The following SNX29 variants were observed in gnomAD, a reference collection of about 807,000 sequenced individuals.
The protein encoded by SNX29 is sorting nexin 29.
SNX29 carries 78 observed loss-of-function variants against 102.1 expected under a neutral mutation model. That is an observed-to-expected ratio of 0.76 (90% CI 0.64 to 0.92). The LOEUF is 0.92. Among genes scored for constraint, SNX29 ranks in the 40% least tolerant of loss-of-function variants. The probability of loss-of-function intolerance (pLI) is 0.00; values close to 1 mark genes in which losing one functional copy is unlikely to be tolerated. For synonymous variants in SNX29, 580 were observed against 414.5 expected, an observed-to-expected ratio of 1.40 and a Z score of -4.85; for missense variants, 1,280 against 1,061.7, an observed-to-expected ratio of 1.21 and a Z score of -2.86.
chr16:12,139,197 A>T (rs1369645843), intron 13 of SNX29, among the ~76,000 whole-genome samples: 9 of 21,348 alleles, frequency 4.2e-4, no homozygotes, highest in East Asian at 0.024. Flanking sequence ...AGACTCTAAA[A>T]AAAAAAAAAA....
chr16:12,200,495 T>G (rs1381404634), intron 14 of SNX29, among the ~76,000 whole-genome samples: 1 of 152,022 alleles, frequency 6.6e-6, no homozygotes, highest in Admixed American at 6.5e-5. Context: ...GTCTTTTTTT[T>G]TTTTTGAGAC....
intron 19 of SNX29, among the ~76,000 whole-genome samples, chr16:12,509,194 A>G (rs1310971552): frequency 1.3e-5 from 2 of 152,178 alleles, no homozygotes; most frequent in African/African-American, 4.8e-5. Flanking sequence ...GAGAATCTCT[A>G]ATCCAGACCC....
intron 14 of SNX29, among the ~76,000 whole-genome samples, chr16:12,243,595 T>C (rs1205624187): frequency 6.6e-6 from 1 of 152,180 alleles, no homozygotes; most frequent in East Asian, 1.9e-4. Flanking sequence ...GGAAGACAAT[T>C]TTTTCATGGA....
chr16:12,384,442 A>G (rs952008750), intron 16 of SNX29, among the ~76,000 whole-genome samples: 12 of 152,164 alleles, frequency 7.9e-5, no homozygotes, highest in African/African-American at 2.9e-4. Context: ...ATCTCATTGT[A>G]GTTTTGATCT....
In SNX29 at chr16:12,084,259, C is replaced by G. The variant is rs372398390; in HGVS notation, c.1402+5344C>G. Among the ~76,000 whole-genome samples, 75 of 152,064 alleles carry G rather than the reference C, an allele frequency of 4.9e-4. 1 individual carries two copies. The South Asian group carries it at 0.015, about 30-fold the overall frequency. On this transcript the variant is annotated intron_variant, in intron 11 of 20. Transcript: ENST00000566228. ...CTCCCGGATTCAGGCTATTCTCCTGCCTCAGCCTCATGAGTAGCTGGGATT... is the reference window on the plus strand; with the variant it reads ...CTCCCGGATTCAGGCTATTCTCCTGGCTCAGCCTCATGAGTAGCTGGGATT...
At chr16:12,535,450 A>G (rs1395980028) in intron 20 of SNX29, among the ~76,000 whole-genome samples, 1 of 152,114 alleles carries the variant, frequency 6.6e-6, no homozygotes, top group African/African-American at 2.4e-5. Flanking sequence ...ATTTATTAAC[A>G]CATCCTTTCT....
intron 18 of SNX29, among the ~76,000 whole-genome samples, chr16:12,472,709 T>C (rs966921480): frequency 3.3e-5 from 5 of 152,128 alleles, no homozygotes; most frequent in African/African-American, 4.8e-5. Context: ...TTATCTCTAC[T>C]AGAGCTTGTT....
At chr16:12,029,613 A>G (rs776355298) in intron 4 of SNX29, 23 of 438,632 alleles carry the variant, frequency 5.2e-5, no homozygotes, top group South Asian at 3.5e-4. Flanking sequence ...TTTTTTTTAG[A>G]TGGAGCCTCA....
intron 18 of SNX29, among the ~76,000 whole-genome samples, chr16:12,415,858 T>C (rs908532029): frequency 6.6e-6 from 1 of 152,178 alleles, no homozygotes; most frequent in African/African-American, 2.4e-5. Context: ...TATTTATTTT[T>C]AGGGATGTTG....
chr16:12,506,425 T>G (rs1440162204), intron 19 of SNX29, among the ~76,000 whole-genome samples: 1 of 152,166 alleles, frequency 6.6e-6, no homozygotes, highest in Admixed American at 6.5e-5. Flanking sequence ...AAAGGATTAT[T>G]CTAGTGCTCC....
intron 20 of SNX29, among the ~76,000 whole-genome samples, chr16:12,565,235 C>G (rs1266773782): frequency 6.6e-6 from 1 of 152,204 alleles, no homozygotes; most frequent in Non-Finnish European, 1.5e-5. Flanking sequence ...TTAGGCTGTT[C>G]TCAATCTATA....
intron 10 of SNX29, among the ~76,000 whole-genome samples, chr16:12,075,893 G>C (rs528760189): frequency 1.3e-5 from 2 of 152,200 alleles, no homozygotes; most frequent in Non-Finnish European, 2.9e-5. Flanking sequence ...CACCAGCCTC[G>C]CTGCCGCCTT....
Position 12,570,513 on chromosome 16 carries a change from C to CCA in SNX29, c.*1887_*1888dup, listed in dbSNP as rs2079164961. 2 of 232,468 alleles carry CCA rather than the reference C, an allele frequency of 8.6e-6. No individual in the cohort carries two copies. The highest frequency in any genetic ancestry group is 1.1e-4 in the Admixed American group (2 of 17,774). 14.4% of individuals were successfully genotyped at this position (232,468 alleles called of 1,614,324 possible). On this transcript the variant is annotated 3_prime_UTR_variant, in exon 21 of 21. Coordinates refer to ENST00000566228, the MANE Select transcript of SNX29 (RefSeq NM_032167.5). Reference sequence around the variant, plus strand: ...CATGACCCCTTAGGTTGGGTTTATGCCACATCGGTCATTTTGAAGTAGGTG... The same window carrying CCA: ...CATGACCCCTTAGGTTGGGTTTATGCCACACATCGGTCATTTTGAAGTAGGTG...
intron 20 of SNX29, among the ~76,000 whole-genome samples, chr16:12,530,692 A>G (rs1332107787): frequency 6.6e-6 from 1 of 152,052 alleles, no homozygotes. Context: ...AGTAGCTGGA[A>G]TTACAAGTGG....
intron 14 of SNX29, among the ~76,000 whole-genome samples, chr16:12,243,018 C>T (rs1264926489): frequency 6.6e-6 from 1 of 152,178 alleles, no homozygotes; most frequent in Non-Finnish European, 1.5e-5. Flanking sequence ...AGGCCCCTGG[C>T]TGTGGAGGCT....
intron 18 of SNX29, among the ~76,000 whole-genome samples, chr16:12,469,091 C>T (rs2087214160): frequency 6.6e-6 from 1 of 152,180 alleles, no homozygotes; most frequent in Non-Finnish European, 1.5e-5. Flanking sequence ...GGGTCTCTGC[C>T]ACATCCAGAC....
At position 12,030,127 on chromosome 16, in the gene SNX29, C is replaced by G. The variant is rs547128311; in HGVS notation, c.247+2683C>G. 3.3e-5 allele frequency among the ~76,000 whole-genome samples: 5 copies of G among 152,300 alleles called. No homozygotes were observed. The South Asian group carries it at 1.0e-3, about 32-fold the overall frequency. On this transcript the variant is annotated intron_variant, in intron 4 of 20. Coordinates refer to ENST00000566228, the MANE Select transcript of SNX29 (RefSeq NM_032167.5). ...TGCGATGCCATAGCCTCTTGGCACACTTTCTTCTTCTTTTCTGATCCTTGT... is the reference window on the plus strand; with the variant it reads ...TGCGATGCCATAGCCTCTTGGCACAGTTTCTTCTTCTTTTCTGATCCTTGT...
At chr16:12,089,751 G>C in intron 11 of SNX29, 1 of 297,106 alleles carries the variant, frequency 3.4e-6, no homozygotes, top group Non-Finnish European at 6.6e-6. Context: ...TGAAGCAGGG[G>C]CGATAGGATT....
chr16:12,132,571 G>A (rs1236709151), intron 13 of SNX29, among the ~76,000 whole-genome samples: 1 of 152,232 alleles, frequency 6.6e-6, no homozygotes, highest in African/African-American at 2.4e-5. Context: ...GAATGAGGAG[G>A]AAAAGATGTG....
Sources: gnomAD v4.1 joint callset for allele counts (sites outside exome capture counted in the v4.1 genomes callset) on GRCh38, gnomAD v4.1.1 for gene constraint, MANE v1.5 for transcripts, NCBI Gene and HGNC (gene_info 2026-07-23, HGNC 2026-07-21) for gene names.